TMEM185A: variants seen among roughly 807,000 people sequenced by gnomAD.
TMEM185A encodes the protein family with sequence similarity 11, member A.
TMEM185A carries 9 observed loss-of-function variants against 25.0 expected under a neutral mutation model. That is an observed-to-expected ratio of 0.36 (90% confidence interval 0.22 to 0.63). The LOEUF is 0.63. Ranked by LOEUF, TMEM185A falls within the 20% of genes least tolerant of loss-of-function variation. TMEM185A has a pLI of 0.68. For missense variants in TMEM185A, 103 were observed against 237.4 expected, an observed-to-expected ratio of 0.43 and a Z score of 3.72; for synonymous variants, 45 against 93.5, an observed-to-expected ratio of 0.48 and a Z score of 2.99.
chrX:149,614,011 C>T (rs2090098007), intron 1 of TMEM185A, among the ~76,000 whole-genome samples: 1 of 112,235 alleles, frequency 8.9e-6, no homozygotes, highest in Admixed American at 9.4e-5. Flanking sequence ...TTCTTAGTAA[C>T]TAATAGAACA....
At chrX:149,608,976 A>C (rs1357952772) in intron 2 of TMEM185A, 142 bp from the exon 3 acceptor site, 2 of 534,358 alleles carry the variant, frequency 3.7e-6, no homozygotes, top group African/African-American at 2.4e-5. Context: ...TCAGGTAGAA[A>C]GCTAACTTAA....
chrX:149,618,581 T>G (rs1829939698), intron 1 of TMEM185A, among the ~76,000 whole-genome samples: 1 of 111,448 alleles, frequency 9.0e-6, no homozygotes, highest in Admixed American at 9.5e-5. Context: ...TATCAAAAAT[T>G]TTGACGTTTA....
At chrX:149,629,171 G>C (rs1557356340) in intron 1 of TMEM185A, among the ~76,000 whole-genome samples, 1 of 111,866 alleles carries the variant, frequency 8.9e-6, no homozygotes. Flanking sequence ...CAAGTGCCAA[G>C]TGAGGATAAA....
At chrX:149,605,942 A>G (rs2090049114) in intron 3 of TMEM185A, among the ~76,000 whole-genome samples, 1 of 112,188 alleles carries the variant, frequency 8.9e-6, no homozygotes, top group Admixed American at 9.4e-5. Flanking sequence ...GGAATTTAGT[A>G]ATTCCTCCAT....
At chrX:149,613,354 G>A (rs1461272767) in intron 1 of TMEM185A, among the ~76,000 whole-genome samples, 4 of 112,077 alleles carry the variant, frequency 3.6e-5, no homozygotes, top group African/African-American at 1.3e-4. Context: ...ACTTGAGAAG[G>A]ATTCAGCCTG....
At chrX:149,622,643 G>C (rs1241224482) in intron 1 of TMEM185A, among the ~76,000 whole-genome samples, 1 of 112,029 alleles carries the variant, frequency 8.9e-6, no homozygotes, top group African/African-American at 3.3e-5. Context: ...AAAAATATTT[G>C]AGTGCCTGAA....
intron 3 of TMEM185A, 48 bp from the exon 4 acceptor site, chrX:149,604,118 A>G: frequency 1.1e-6 from 1 of 897,513 alleles, no homozygotes; most frequent in South Asian, 2.1e-5. Flanking sequence ...ATTTGCATTT[A>G]ATACTGCAGT....
intron 1 of TMEM185A, 62 bp from the exon 2 acceptor site, chrX:149,611,525 G>A: frequency 9.5e-7 from 1 of 1,049,533 alleles, no homozygotes. Context: ...TACTGAAATG[G>A]GGAGTAATAA....
chrX:149,614,022 C>G (rs2090098140), intron 1 of TMEM185A, among the ~76,000 whole-genome samples: 1 of 111,988 alleles, frequency 8.9e-6, no homozygotes, highest in African/African-American at 3.2e-5. Flanking sequence ...TAATAGAACA[C>G]ATAAACAGAA....
intron 3 of TMEM185A, 146 bp from the exon 4 acceptor site, chrX:149,604,216 C>T (rs1364208144): frequency 2.6e-5 from 11 of 430,663 alleles, no homozygotes; most frequent in Middle Eastern, 6.5e-4. Context: ...TCCTGATTTT[C>T]GGTACCAGAG....
chrX:149,610,661 G>A (rs1315650496), intron 2 of TMEM185A, among the ~76,000 whole-genome samples: 5 of 111,011 alleles, frequency 4.5e-5, no homozygotes, highest in East Asian at 2.8e-4. Context: ...GCATGCTGGC[G>A]TGAGCCAACT....
intron 1 of TMEM185A, among the ~76,000 whole-genome samples, chrX:149,618,822 T>C (rs1483612442): frequency 8.9e-6 from 1 of 112,102 alleles, no homozygotes; most frequent in Non-Finnish European, 1.9e-5. Context: ...ACACTGTTTC[T>C]ACAGTTTAGC....
intron 1 of TMEM185A, among the ~76,000 whole-genome samples, chrX:149,627,901 C>T (rs1380209453): frequency 8.9e-6 from 1 of 112,319 alleles, no homozygotes; most frequent in Non-Finnish European, 1.9e-5. Context: ...GGCCAGGTAG[C>T]TGACTTTAGT....
Position 149,611,214 on chromosome X carries a change from C to T in TMEM185A, c.215+73G>A. On this transcript the variant is annotated intron_variant, in intron 2 of 6. Transcript: ENST00000600449. ...GTAGAAAATAAAATGGTCCTTACTT[C>T]ATCAAAAGTGAGAAAAGTCAAGATA... The T allele has an allele frequency of 5.9e-6, 6 of 1,010,678 alleles. No individual in the cohort carries two copies. The South Asian group carries it at 9.8e-5, about 17-fold the overall frequency. The allele number at this position is 1,010,678 out of a possible 1,213,427, so 83.3% of individuals were successfully genotyped here. A position where few individuals can be genotyped will look rare whatever the true frequency, so the allele number is the denominator to read the frequency against.
intron 1 of TMEM185A, among the ~76,000 whole-genome samples, chrX:149,625,145 C>T (rs2090157646): frequency 8.9e-6 from 1 of 112,104 alleles, no homozygotes; most frequent in African/African-American, 3.2e-5. Flanking sequence ...TTCCAGTCAT[C>T]TTGTACAGGC....
At chrX:149,604,384 C>T (rs1428333463) in intron 3 of TMEM185A, among the ~76,000 whole-genome samples, 1 of 111,810 alleles carries the variant, frequency 8.9e-6, no homozygotes, top group Non-Finnish European at 1.9e-5. Context: ...CACTAAACTT[C>T]CTTCATGTCC....
At chrX:149,605,493 A>ATGTCACTTTCTATGGCCTCCCT (rs2090045678) in intron 3 of TMEM185A, among the ~76,000 whole-genome samples, 3 of 88,552 alleles carry the variant, frequency 3.4e-5, no homozygotes, top group Non-Finnish European at 6.3e-5. Context: ...ATGGCCTCCC[A>ATGTCACTTTCTATGGCCTCCCT]TGTCACTTTC....
intron 1 of TMEM185A, among the ~76,000 whole-genome samples, chrX:149,616,217 A>G (rs782259962): frequency 8.9e-6 from 1 of 112,401 alleles, no homozygotes; most frequent in South Asian, 3.7e-4. Context: ...GGAGACATAT[A>G]CTGTGTTCAT....
intron 1 of TMEM185A, among the ~76,000 whole-genome samples, chrX:149,612,969 C>G (rs370657330): frequency 8.9e-6 from 1 of 111,939 alleles, no homozygotes; most frequent in African/African-American, 3.3e-5. Flanking sequence ...CTACTTCTGC[C>G]ATATCGCTTC....
Sources: gnomAD v4.1 joint callset for allele counts (sites outside exome capture counted in the v4.1 genomes callset) on GRCh38, gnomAD v4.1.1 for gene constraint, MANE v1.5 for transcripts, NCBI Gene and HGNC (gene_info 2026-07-23, HGNC 2026-07-21) for gene names.